Variants in ANKRD31 observed in about 807,000 individuals in gnomAD.
ANKRD31 encodes the protein ankyrin repeat domain-containing protein 31.
Under a neutral mutation model 186.0 loss-of-function variants are expected in ANKRD31, and 147 were observed. The ratio of observed to expected loss-of-function variants is 0.79; its 90% CI spans 0.69 to 0.91. The LOEUF (loss-of-function observed/expected upper bound fraction) is 0.91, where lower values mean the gene tolerates loss of function less well. Ranked by LOEUF, ANKRD31 falls within the 40% of genes least tolerant of loss-of-function variation. The probability of loss-of-function intolerance (pLI) is 0.00; values close to 1 mark genes in which losing one functional copy is unlikely to be tolerated. For missense variants in ANKRD31, 1,986 were observed against 2,148.8 expected (o/e 0.92, Z 1.50); for synonymous variants, 673 against 736.4 (o/e 0.91, Z 1.39).
At chr5:75,129,599 A>AT (rs970262719) in intron 17 of ANKRD31, among the ~76,000 whole-genome samples, 1 of 152,156 alleles carries the variant, frequency 6.6e-6, no homozygotes. Flanking sequence ...GATCCAAGGA[A>AT]TTTTTTTATA....
chr5:75,196,267 T>C, intron 6 of ANKRD31, 67 bp from the exon 7 acceptor site: 2 of 1,189,294 alleles, frequency 1.7e-6, no homozygotes, highest in Non-Finnish European at 2.2e-6. Context: ...ATGAAAACTT[T>C]ATAGTTTTAT....
chr5:75,228,773 T>TA (rs1043054507), intron 2 of ANKRD31, among the ~76,000 whole-genome samples: 2 of 152,104 alleles, frequency 1.3e-5, no homozygotes, highest in Non-Finnish European at 2.9e-5. Flanking sequence ...GAAAAGAAAA[T>TA]AAAAAAACTT....
At chr5:75,214,434 G>GT (rs1325892273) in intron 3 of ANKRD31, among the ~76,000 whole-genome samples, 1 of 152,162 alleles carries the variant, frequency 6.6e-6, no homozygotes, top group African/African-American at 2.4e-5. Flanking sequence ...AGCATCAGGG[G>GT]TACCTAACTT....
In ANKRD31 at chr5:75,193,473, T is replaced by C. The variant is rs1379088567; in HGVS notation, c.1136A>G (p.Glu379Gly). Residue 379 changes from glutamate (E) to glycine (G), a missense_variant, in exon 8 of 26, where the codon GAA becomes GGA. Physicochemically the swap from Glu to Gly is moderately conservative, Grantham distance 98. Transcript: ENST00000506364. ...TGATCTCCTCAACACACACGCAGTTTCCTGATCAGAGCTATTTGTCACTGA... is the reference window on the plus strand; with the variant it reads ...TGATCTCCTCAACACACACGCAGTTCCCTGATCAGAGCTATTTGTCACTGA... ...SNSVTNSSDQ[E>G]TACVLRRSSR... 2 of 1,537,404 alleles carry C rather than the reference T, an allele frequency of 1.3e-6. No individual in the cohort carries two copies. Among genetic ancestry groups the C allele is most frequent in the Non-Finnish European group, 1.7e-6 (2 of 1,146,800 alleles).
At position 75,163,983 on chromosome 5, in the gene ANKRD31, G is replaced by A. The variant is rs555794828; in HGVS notation, c.1707+4996C>T. Among the ~76,000 whole-genome samples, 51 of 152,280 alleles carry A rather than the reference G, an allele frequency of 3.3e-4. No homozygotes were observed. The South Asian group carries it at 5.8e-3, about 17-fold the overall frequency. Reference sequence around the variant, plus strand: ...CTCAAGAGTACAGGCTGGAGTTTTAGTGGCTTGCTTTTAACAAATAGTATA... The same window carrying A: ...CTCAAGAGTACAGGCTGGAGTTTTAATGGCTTGCTTTTAACAAATAGTATA... On this transcript the variant is annotated intron_variant, in intron 11 of 25. Transcript: ENST00000506364.
chr5:75,102,992 C>A (rs911697386), intron 22 of ANKRD31, among the ~76,000 whole-genome samples: 1 of 152,190 alleles, frequency 6.6e-6, no homozygotes, highest in Admixed American at 6.5e-5. Context: ...GCAGAAATCA[C>A]CCATCTTCTG....
chr5:75,229,759 C>A (rs377227491), intron 2 of ANKRD31, among the ~76,000 whole-genome samples: 2 of 148,780 alleles, frequency 1.3e-5, no homozygotes, highest in East Asian at 4.0e-4. Flanking sequence ...CAGCTACTCG[C>A]GAGGCTGAGG....
At chr5:75,077,957 TAGA>T (rs1744793840) in intron 25 of ANKRD31, among the ~76,000 whole-genome samples, 2 of 104,814 alleles carry the variant, frequency 1.9e-5, no homozygotes, top group South Asian at 5.8e-4. Context: ...AAAAAAAAAA[TAGA>T]AGTTCTTAAG....
At position 75,196,043 on chromosome 5, in the gene ANKRD31, G is replaced by A; in HGVS notation, c.605C>T (p.Thr202Ile). The change falls in exon 7 of 26, where the codon ACA becomes ATA. Residue 202 changes from threonine to isoleucine, a missense_variant. Physicochemically the swap from Thr to Ile is moderately conservative, Grantham distance 89. Coordinates refer to ENST00000506364, the MANE Select transcript of ANKRD31 (RefSeq NM_001372053.1). Reference sequence around the variant, plus strand: ...AGTTTCTTCAGAAGTCATGGTCATTGTGACTTCCTTTCTAGGCTCAAAAAA... The same window carrying A: ...AGTTTCTTCAGAAGTCATGGTCATTATGACTTCCTTTCTAGGCTCAAAAAA... ...NTFFEPRKEV[T>I]MTMTSEETKD... 2 of 1,536,312 alleles carry A rather than the reference G, an allele frequency of 1.3e-6. No individual in the cohort carries two copies. The highest frequency in any genetic ancestry group is 1.7e-6 in the Non-Finnish European group (2 of 1,146,540).
intron 20 of ANKRD31, among the ~76,000 whole-genome samples, chr5:75,112,107 A>G (rs1171796031): frequency 5.9e-5 from 9 of 152,062 alleles, no homozygotes; most frequent in Admixed American, 1.3e-4. Flanking sequence ...CTTTGCATCT[A>G]GAAGTATTTT....
At chr5:75,092,110 C>T (rs903311297) in intron 22 of ANKRD31, among the ~76,000 whole-genome samples, 1 of 152,154 alleles carries the variant, frequency 6.6e-6, no homozygotes, top group Admixed American at 6.5e-5. Flanking sequence ...AGAAGCAAGG[C>T]TTAGAACAGA....
intron 11 of ANKRD31, among the ~76,000 whole-genome samples, chr5:75,162,963 G>C (rs1752671182): frequency 6.6e-6 from 1 of 151,982 alleles, no homozygotes; most frequent in South Asian, 2.1e-4. Flanking sequence ...CTACCTGTAT[G>C]TCTTTTTTTA....
At chr5:75,172,527 T>C (rs542145415) in intron 10 of ANKRD31, among the ~76,000 whole-genome samples, 67 of 152,002 alleles carry the variant, frequency 4.4e-4, no homozygotes, top group South Asian at 1.9e-3. Context: ...ATGAATCAAA[T>C]AGATGCAATA....
In ANKRD31 at chr5:75,104,940, T is replaced by C; in HGVS notation, c.4619A>G (p.Gln1540Arg). 6.5e-7 allele frequency: 1 copy of C among 1,537,206 alleles called. No individual in the cohort carries two copies. The highest frequency in any genetic ancestry group is 8.7e-7 in the Non-Finnish European group (1 of 1,146,890). ...AGTTTCCAGAGACAATTGTGTTTCC[T>C]GCATGCTTCCAGAAACAGGAGAAAG... is the stretch of plus-strand genomic sequence containing the variant. ...GSLSPVSGSM[Q>R]ETQLSLETWN... Residue 1540 changes from glutamine to arginine, a missense_variant, in exon 22 of 26, where the codon CAG becomes CGG. Coordinates refer to ENST00000506364, the MANE Select transcript of ANKRD31 (RefSeq NM_001372053.1).
chr5:75,233,144 C>A (rs1414432803), intron 1 of ANKRD31, among the ~76,000 whole-genome samples: 1 of 151,572 alleles, frequency 6.6e-6, no homozygotes, highest in Non-Finnish European at 1.5e-5. Context: ...CTTACTGCAA[C>A]CTCCGCCTTC....
At chr5:75,224,548 C>T (rs1272931501) in intron 2 of ANKRD31, among the ~76,000 whole-genome samples, 1 of 151,882 alleles carries the variant, frequency 6.6e-6, no homozygotes, top group South Asian at 2.1e-4. Context: ...TAAACCGGGG[C>T]AACAAGATGG....
At chr5:75,139,062 C>A in intron 15 of ANKRD31, 79 bp from the exon 16 acceptor site, 1 of 1,453,974 alleles carries the variant, frequency 6.9e-7, no homozygotes, top group Admixed American at 2.2e-5. Context: ...TACATAACAA[C>A]TTCCTCAAAA....
chr5:75,120,005 G>A (rs567758017), intron 17 of ANKRD31, among the ~76,000 whole-genome samples: 2 of 152,244 alleles, frequency 1.3e-5, no homozygotes, highest in African/African-American at 2.4e-5. Flanking sequence ...AGAAAAAAAT[G>A]TCTAATATAA....
In ANKRD31 at chr5:75,107,537, G is replaced by C; in HGVS notation, c.4324C>G (p.Leu1442Val). Reference sequence around the variant, plus strand: ...TCTACTCACCTGTATTTTTTAGCCAGATCATCCCTTTCTGCTTTCTGCTTG... The same window carrying C: ...TCTACTCACCTGTATTTTTTAGCCACATCATCCCTTTCTGCTTTCTGCTTG... ...LAKQKAERDD[L>V]AKKYRVSIES... is the part of the protein sequence containing the mutation. Residue 1442 changes from leucine (L) to valine (V), a missense_variant, in exon 21 of 26, where the codon CTG becomes GTG. Transcript: ENST00000506364. 1 of 1,527,972 alleles carries C rather than the reference G, an allele frequency of 6.5e-7. No individual in the cohort carries two copies. Among genetic ancestry groups the C allele is most frequent in the Non-Finnish European group, 8.8e-7 (1 of 1,142,082 alleles). 94.7% of individuals were successfully genotyped at this position (1,527,972 alleles called of 1,614,324 possible). A position where few individuals can be genotyped will look rare whatever the true frequency, so the allele number is the denominator to read the frequency against.
Sources: gnomAD v4.1 joint callset for allele counts (sites outside exome capture counted in the v4.1 genomes callset) on GRCh38, gnomAD v4.1.1 for gene constraint, MANE v1.5 for transcripts, NCBI Gene and HGNC (gene_info 2026-07-23, HGNC 2026-07-21) for gene names.